The following SLC38A9 variants were observed in gnomAD, a reference collection of about 807,000 sequenced individuals.
SLC38A9 encodes the protein solute carrier family 38 member 9.
Under a neutral mutation model 62.3 loss-of-function variants are expected in SLC38A9, and 48 were observed. The observed-to-expected ratio is 0.77, with a 90% CI of 0.61 to 0.98. The LOEUF (loss-of-function observed/expected upper bound fraction) is 0.98. Among genes scored for constraint, SLC38A9 ranks in the 50% least tolerant of loss-of-function variants. The probability of loss-of-function intolerance (pLI) is 0.00; values close to 1 mark genes in which losing one functional copy is unlikely to be tolerated. For missense variants in SLC38A9, 541 were observed against 679.8 expected, an observed-to-expected ratio of 0.80 and a Z score of 2.27; for synonymous variants, 204 against 227.7, an observed-to-expected ratio of 0.90 and a Z score of 0.94.
At chr5:55,635,928 TTTAA>T (rs1475326301) in intron 12 of SLC38A9, among the ~76,000 whole-genome samples, 1 of 152,114 alleles carries the variant, frequency 6.6e-6, no homozygotes, top group Admixed American at 6.5e-5. Context: ...AACATAGTGG[TTTAA>T]CATGACTGAA....
chr5:55,701,191 T>G (rs909036713), intron 2 of SLC38A9, among the ~76,000 whole-genome samples: 1 of 152,222 alleles, frequency 6.6e-6, no homozygotes, highest in Non-Finnish European at 1.5e-5. Flanking sequence ...GTTCTATTAA[T>G]TTAGGCAATG....
At chr5:55,662,454 G>A (rs899003450) in intron 8 of SLC38A9, among the ~76,000 whole-genome samples, 2 of 151,986 alleles carry the variant, frequency 1.3e-5, no homozygotes, top group African/African-American at 2.4e-5. Flanking sequence ...GGCGGATCAC[G>A]ACGTCAGGAG....
chr5:55,627,820 A>AACAACG (rs921075782), intron 15 of SLC38A9, 71 bp downstream of exon 15: 2 of 943,450 alleles, frequency 2.1e-6, no homozygotes, highest in African/African-American at 3.4e-5. Flanking sequence ...TTAAAACAAC[A>AACAACG]ACAACAACAG....
At chr5:55,640,496 T>C (rs955943958) in intron 12 of SLC38A9, among the ~76,000 whole-genome samples, 9 of 152,304 alleles carry the variant, frequency 5.9e-5, no homozygotes, top group African/African-American at 2.2e-4. Flanking sequence ...CAAAGACATG[T>C]CCTCAGTCTT....
chr5:55,642,824 C>CA (rs2150113760), intron 12 of SLC38A9, among the ~76,000 whole-genome samples: 1 of 152,262 alleles, frequency 6.6e-6, no homozygotes, highest in South Asian at 2.1e-4. Context: ...TAACATGCTA[C>CA]ATGTATGGTC....
At chr5:55,678,581 A>AAAT (rs1580316186) in intron 3 of SLC38A9, among the ~76,000 whole-genome samples, 1 of 151,924 alleles carries the variant, frequency 6.6e-6, no homozygotes, top group East Asian at 1.9e-4. Flanking sequence ...TGGAGGATGA[A>AAAT]AATTCATCAT....
chr5:55,700,359 C>CAAAAAA (rs145225219), intron 2 of SLC38A9, among the ~76,000 whole-genome samples: 4 of 138,984 alleles, frequency 2.9e-5, no homozygotes, highest in African/African-American at 1.1e-4. Context: ...ATAAAACAAG[C>CAAAAAA]CAAAAAAAAA....
rs1221738907 is a variant in SLC38A9 at position 55,639,432 on chromosome 5, C to T, written c.1168-3775G>A. ...ATTTAGGAGTTTGTTTCTTTCTTTG[C>T]AAATGTCTTTAGTTCAAGTCCAGCT... is the stretch of plus-strand genomic sequence containing the variant. On this transcript the variant is annotated intron_variant, in intron 12 of 15. Transcript: ENST00000396865. 2.6e-5 allele frequency among the ~76,000 whole-genome samples: 4 copies of T among 152,046 alleles called. No individual in the cohort carries two copies. The East Asian group carries it at 7.7e-4, about 29-fold the overall frequency.
intron 2 of SLC38A9, among the ~76,000 whole-genome samples, chr5:55,707,616 C>T (rs1439374997): frequency 6.6e-6 from 1 of 152,192 alleles, no homozygotes; most frequent in African/African-American, 2.4e-5. Flanking sequence ...TTTAACATCT[C>T]ACTCAATCTC....
In SLC38A9 at chr5:55,667,346, G is replaced by A. The variant is rs112087862; in HGVS notation, c.526+1882C>T. Among the ~76,000 whole-genome samples, 901 of 152,124 alleles carry A rather than the reference G, an allele frequency of 5.9e-3. 6 individuals carry two copies. The highest frequency in any genetic ancestry group is 0.01 in the Non-Finnish European group (706 of 68,014). ...CATTTCATAATTTTAGAATGGTGCC[G>A]GTACTTGTCTGGGAATAAATAGACT... On this transcript the variant is annotated intron_variant, in intron 7 of 15. Coordinates refer to ENST00000396865, the MANE Select transcript of SLC38A9 (RefSeq NM_173514.4).
chr5:55,688,022 G>T (rs901272796), intron 3 of SLC38A9, among the ~76,000 whole-genome samples: 3 of 152,118 alleles, frequency 2.0e-5, no homozygotes, highest in Non-Finnish European at 4.4e-5. Context: ...TGTAGCAATT[G>T]TGAATGGGAG....
Position 55,695,286 on chromosome 5 carries a change from T to TTA in SLC38A9, c.113+2559_113+2560insTA, listed in dbSNP as rs398108952. Among the ~76,000 whole-genome samples the TTA allele has an allele frequency of 8.5e-3, 1,277 of 150,492 alleles. 10 individuals are homozygous for TTA. Among genetic ancestry groups the TTA allele is most frequent in the Middle Eastern group, 0.02 (6 of 294 alleles). On this transcript the variant is annotated intron_variant, in intron 3 of 15. Transcript: ENST00000396865. ...TTAAGACCATTTCTTTTTTTTTTTT[T>TTA]ATTGATCATTCTTGGGTGTTTCTCA...
At position 55,693,685 on chromosome 5, in the gene SLC38A9, T is replaced by C. The variant is rs569619853; in HGVS notation, c.113+4161A>G. 3.9e-5 allele frequency among the ~76,000 whole-genome samples: 6 copies of C among 152,316 alleles called. No individual in the cohort carries two copies. In the East Asian group the frequency reaches 9.6e-4, roughly 24 times the overall value. On this transcript the variant is annotated intron_variant, in intron 3 of 15. Coordinates refer to ENST00000396865, the MANE Select transcript of SLC38A9 (RefSeq NM_173514.4). Reference sequence around the variant, plus strand: ...AATATGCCTCATTTAATTCTTTTTATTACATCATATTTTACTGATTCTAAT... The same window carrying C: ...AATATGCCTCATTTAATTCTTTTTACTACATCATATTTTACTGATTCTAAT...
chr5:55,672,713 ACTTG>A lies in SLC38A9; in HGVS notation c.114-22_114-19del. ...AGAAAGGCCTACAAAGGGAATATAC[ACTTG>A]ACAAAAAGTGTTCAGCCAAAAATTC... On this transcript the variant is annotated intron_variant, in intron 3 of 15. Coordinates refer to ENST00000396865, the MANE Select transcript of SLC38A9 (RefSeq NM_173514.4). 1 of 1,597,086 alleles carries A rather than the reference ACTTG, an allele frequency of 6.3e-7. No homozygotes were observed. The highest frequency in any genetic ancestry group is 1.8e-5 in the Admixed American group (1 of 55,922).
intron 8 of SLC38A9, among the ~76,000 whole-genome samples, 189 bp from the exon 9 acceptor site, chr5:55,656,963 C>G (rs1748562817): frequency 6.6e-6 from 1 of 152,064 alleles, no homozygotes; most frequent in African/African-American, 2.4e-5. Flanking sequence ...CAGATTCACG[C>G]CATTCTCCTG....
At chr5:55,705,854 C>A (rs1355558350) in intron 2 of SLC38A9, among the ~76,000 whole-genome samples, 1 of 152,022 alleles carries the variant, frequency 6.6e-6, no homozygotes, top group Non-Finnish European at 1.5e-5. Flanking sequence ...ACTACAGGTG[C>A]CTGCCACCAC....
chr5:55,652,852 A>C, intron 9 of SLC38A9, 129 bp from the exon 10 acceptor site: 1 of 637,850 alleles, frequency 1.6e-6, no homozygotes. Context: ...TAGGAGCCTA[A>C]ATTTCTCTTT....
rs541356568 is a variant in SLC38A9 at position 55,678,995 on chromosome 5, G to C, written c.114-6300C>G. Among the ~76,000 whole-genome samples, 16 of 152,016 alleles carry C rather than the reference G, an allele frequency of 1.1e-4. No homozygotes were observed. In the East Asian group the frequency reaches 3.1e-3, roughly 29 times the overall value. ...TTTGAATCAGTTTAAATTACTGTGT[G>C]ACAAACTATTAAATAATAAAGACTA... On this transcript the variant is annotated intron_variant, in intron 3 of 15. Coordinates refer to ENST00000396865, the MANE Select transcript of SLC38A9 (RefSeq NM_173514.4).
chr5:55,657,214 C>T (rs1748611208), intron 8 of SLC38A9, among the ~76,000 whole-genome samples: 1 of 152,092 alleles, frequency 6.6e-6, no homozygotes. Context: ...GTTAACATAG[C>T]TTCACCTTCT....
Sources: allele counts gnomAD v4.1 joint callset (sites outside exome capture counted in the v4.1 genomes callset), GRCh38; gene constraint gnomAD v4.1.1; transcripts MANE v1.5; gene names NCBI Gene and HGNC (gene_info 2026-07-23, HGNC 2026-07-21).